NSUN6: variants seen among roughly 807,000 people sequenced by gnomAD.
NSUN6 encodes the protein NOP2/Sun RNA methyltransferase 6, also known as tRNA (cytosine(72)-C(5))-methyltransferase NSUN6.
In NSUN6, 64 loss-of-function variants were observed where a neutral mutation model predicts 58.0. The ratio of observed to expected loss-of-function variants is 1.10; its 90% CI spans 0.90 to 1.36. The LOEUF (loss-of-function observed/expected upper bound fraction) is 1.36, where lower values mean the gene tolerates loss of function less well. NSUN6 is among the 40% of genes most tolerant of loss of function. The pLI is 0.00. For synonymous variants in NSUN6, 231 were observed against 193.9 expected (o/e 1.19, Z -1.59); for missense variants, 701 against 550.1 (o/e 1.27, Z -2.74).
intron 8 of NSUN6, among the ~76,000 whole-genome samples, chr10:18,582,942 G>A (rs1010421620): frequency 3.3e-5 from 5 of 152,030 alleles, no homozygotes; most frequent in Non-Finnish European, 7.4e-5. Context: ...AAGTTGTTAC[G>A]ATGTATTTGT....
Position 18,582,785 on chromosome 10 carries a change from C to T in NSUN6, c.922+3164G>A, listed in dbSNP as rs149721707. Among the ~76,000 whole-genome samples the T allele has an allele frequency of 8.0e-4, 122 of 152,318 alleles. No homozygotes were observed. The East Asian group carries it at 0.013, about 16-fold the overall frequency. On this transcript the variant is annotated intron_variant, in intron 8 of 10. Coordinates refer to ENST00000377304, the MANE Select transcript of NSUN6 (RefSeq NM_182543.5). ...TAAAACCACTGTAATCCCAGGAGTACTATGCCCATGTCAAAAAAGCTGCTG... is the reference window on the plus strand; with the variant it reads ...TAAAACCACTGTAATCCCAGGAGTATTATGCCCATGTCAAAAAAGCTGCTG...
intron 6 of NSUN6, among the ~76,000 whole-genome samples, chr10:18,598,066 AT>A (rs1218366740): frequency 6.6e-6 from 1 of 152,208 alleles, no homozygotes; most frequent in Non-Finnish European, 1.5e-5. Context: ...AAGAAGTGAA[AT>A]TAGCTTTAAC....
intron 6 of NSUN6, among the ~76,000 whole-genome samples, chr10:18,603,166 C>G (rs1391100159): frequency 6.6e-6 from 1 of 152,088 alleles, no homozygotes. Context: ...GGTTGACTCA[C>G]GCCTGTAATC....
intron 6 of NSUN6, among the ~76,000 whole-genome samples, chr10:18,598,480 G>A (rs1311958344): frequency 6.6e-6 from 1 of 152,146 alleles, no homozygotes; most frequent in Non-Finnish European, 1.5e-5. Flanking sequence ...ATCTGGCTCT[G>A]TTACCCAGGC....
intron 8 of NSUN6, among the ~76,000 whole-genome samples, chr10:18,555,473 C>T (rs1049022489): frequency 1.2e-4 from 17 of 140,314 alleles, no homozygotes. Context: ...GGATAGAATG[C>T]AGTGGTGAAT....
chr10:18,545,860 A>G lies in NSUN6; in HGVS notation c.*73T>C. On this transcript the variant is annotated 3_prime_UTR_variant, in exon 11 of 11. Transcript: ENST00000377304. ...ATCATCATTCAGTTGGCCTGACAACACTTTGGTTAAAAAAAAAAAAACCAC... is the reference window on the plus strand; with the variant it reads ...ATCATCATTCAGTTGGCCTGACAACGCTTTGGTTAAAAAAAAAAAAACCAC... 1 of 565,490 alleles carries G rather than the reference A, an allele frequency of 1.8e-6. No individual in the cohort carries two copies. The highest frequency in any genetic ancestry group is 2.8e-6 in the Non-Finnish European group (1 of 359,304). 35.0% of individuals were successfully genotyped at this position (565,490 alleles called of 1,614,324 possible). A position where few individuals can be genotyped will look rare whatever the true frequency, so the allele number is the denominator to read the frequency against.
At chr10:18,626,166 G>A (rs570143792) in intron 3 of NSUN6, among the ~76,000 whole-genome samples, 4 of 151,856 alleles carry the variant, frequency 2.6e-5, no homozygotes, top group South Asian at 2.1e-4. Flanking sequence ...CATAAGGACC[G>A]AAAGCAAACA....
chr10:18,604,894 T>C lies in NSUN6; in HGVS notation c.657+4951A>G, dbSNP rs917444739. Among the ~76,000 whole-genome samples the C allele has an allele frequency of 1.9e-4, 28 of 150,200 alleles. 1 individual carries two copies. Among genetic ancestry groups the C allele is most frequent in the Admixed American group, 1.8e-3 (27 of 15,148 alleles). On this transcript the variant is annotated intron_variant, in intron 6 of 10. Coordinates refer to ENST00000377304, the MANE Select transcript of NSUN6 (RefSeq NM_182543.5). ...GAGCAAGACTCTTTCTTTTTTTTTT[T>C]TTTCTTTTTGAGACGGAGTCTCACA... is the stretch of plus-strand genomic sequence containing the variant.
chr10:18,598,564 T>C (rs987242080), intron 6 of NSUN6, among the ~76,000 whole-genome samples: 2 of 152,144 alleles, frequency 1.3e-5, no homozygotes, highest in Non-Finnish European at 2.9e-5. Context: ...CTCAACCACC[T>C]GGGCTCAATC....
chr10:18,656,345 T>C (rs1181428310), upstream of NSUN6, among the ~76,000 whole-genome samples: 1 of 152,210 alleles, frequency 6.6e-6, no homozygotes, highest in Non-Finnish European at 1.5e-5. Context: ...AAGACCAGCC[T>C]GACCAACATG....
chr10:18,586,383 G>C (rs866127358), intron 7 of NSUN6, among the ~76,000 whole-genome samples: 4 of 152,136 alleles, frequency 2.6e-5, no homozygotes, highest in Admixed American at 2.6e-4. Flanking sequence ...ATGTTCAGAT[G>C]TGTCTGGAGT....
intron 9 of NSUN6, among the ~76,000 whole-genome samples, chr10:18,549,611 G>A (rs990431502): frequency 4.6e-5 from 7 of 152,072 alleles, no homozygotes; most frequent in African/African-American, 9.7e-5. Flanking sequence ...ATGCTGTACC[G>A]TCAACATCTA....
chr10:18,651,010 G>T, intron 1 of NSUN6, 119 bp downstream of exon 1: 4 of 1,154,326 alleles, frequency 3.5e-6, no homozygotes, highest in Non-Finnish European at 4.9e-6. Context: ...ACACTTGATA[G>T]ACAAGTAGTA....
chr10:18,574,903 T>C (rs2056573065), intron 8 of NSUN6, among the ~76,000 whole-genome samples: 1 of 152,118 alleles, frequency 6.6e-6, no homozygotes, highest in Admixed American at 6.6e-5. Context: ...CTTTTGAAAG[T>C]CGAGGAAATA....
At chr10:18,600,932 A>C in intron 6 of NSUN6, among the ~76,000 whole-genome samples, 1 of 94,818 alleles carries the variant, frequency 1.1e-5, no homozygotes, top group African/African-American at 4.5e-5. Flanking sequence ...CATCTCAAAA[A>C]AAAAAAAAAA....
In NSUN6 at chr10:18,546,043, T is replaced by C. The variant is rs1203029658; in HGVS notation, c.1300A>G (p.Thr434Ala). 1.9e-6 allele frequency: 3 copies of C among 1,601,018 alleles called. No homozygotes were observed. The highest frequency in any genetic ancestry group is 2.2e-5 in the East Asian group (1 of 44,798). The change falls in exon 11 of 11, where the codon ACT (threonine) becomes GCT (alanine). Residue 434 changes from threonine to alanine, a missense_variant. Transcript: ENST00000377304. Reference sequence around the variant, plus strand: ...GCCTCTCTAAGAGAGTCCATGTCAGTGTCCGGTAATGGCACAGCCGATGGA... The same window carrying C: ...GCCTCTCTAAGAGAGTCCATGTCAGCGTCCGGTAATGGCACAGCCGATGGA... ...FDPSAVPLPD[T>A]DMDSLREARR... is the part of the protein sequence containing the mutation.
intron 4 of NSUN6, among the ~76,000 whole-genome samples, chr10:18,615,327 T>C (rs2058372656): frequency 6.6e-6 from 1 of 152,162 alleles, no homozygotes; most frequent in Admixed American, 6.6e-5. Context: ...ACCTAATCTA[T>C]CATAAATTTA....
intron 8 of NSUN6, among the ~76,000 whole-genome samples, chr10:18,577,194 A>G (rs2056693833): frequency 6.6e-6 from 1 of 152,196 alleles, no homozygotes; most frequent in African/African-American, 2.4e-5. Context: ...CTTAGACATG[A>G]TATTAGCAGA....
chr10:18,651,739 G>A (rs755567276), upstream of NSUN6: 27 of 985,516 alleles, frequency 2.7e-5, no homozygotes, highest in Non-Finnish European at 3.3e-5. Context: ...CACGCCCCCG[G>A]AGGTTCCTAA....
Sources: gnomAD v4.1 joint callset for allele counts (sites outside exome capture counted in the v4.1 genomes callset) on GRCh38, gnomAD v4.1.1 for gene constraint, MANE v1.5 for transcripts, NCBI Gene and HGNC (gene_info 2026-07-23, HGNC 2026-07-21) for gene names.